Variants in HDAC1 observed in about 807,000 individuals in gnomAD.
HDAC1 encodes the protein histone deacetylase 1, also known as protein deacetylase HDAC1.
HDAC1 carries 18 observed loss-of-function variants against 65.5 expected under a neutral mutation model. That is an observed-to-expected ratio of 0.27 (90% CI 0.19 to 0.41). The LOEUF (loss-of-function observed/expected upper bound fraction) is 0.41, where lower values mean the gene tolerates loss of function less well. HDAC1 is among the 10% of genes least tolerant of loss of function. The pLI, the probability that HDAC1 is intolerant of heterozygous loss-of-function variation, is 1.00. For missense variants in HDAC1, 373 were observed against 625.2 expected, an observed-to-expected ratio of 0.60 and a Z score of 4.30; for synonymous variants, 211 against 227.9, an observed-to-expected ratio of 0.93 and a Z score of 0.67.
At chr1:32,294,760 C>T (rs1056432372) in intron 1 of HDAC1, among the ~76,000 whole-genome samples, 4 of 149,282 alleles carry the variant, frequency 2.7e-5, no homozygotes, top group African/African-American at 4.9e-5. Flanking sequence ...ATGATCCGCC[C>T]GCCTCGGCCT....
chr1:32,305,385 C>G (rs1640897607), intron 2 of HDAC1, among the ~76,000 whole-genome samples: 1 of 152,112 alleles, frequency 6.6e-6, no homozygotes, highest in African/African-American at 2.4e-5. Context: ...AGGACATATG[C>G]ACATATTCAC....
rs1570045780 is a variant in HDAC1, at chr1:32,333,431, AAAGT to A, written c.*390_*393del. 6.3e-6 allele frequency: 1 copy of A among 159,868 alleles called. No individual in the cohort carries two copies. The highest frequency in any genetic ancestry group is 2.4e-5 in the African/African-American group (1 of 41,548). 9.9% of individuals were successfully genotyped at this position (159,868 alleles called of 1,614,324 possible). ...GATCTCCTGTTTTTTTCAGGCTCCT[AAAGT>A]AACATCAGCCATTTTTAGATTGGTT... On this transcript the variant is annotated 3_prime_UTR_variant, in exon 14 of 14. Coordinates refer to ENST00000373548, the MANE Select transcript of HDAC1 (RefSeq NM_004964.3).
chr1:32,293,551 C>T (rs903210132), intron 1 of HDAC1, among the ~76,000 whole-genome samples: 11 of 151,084 alleles, frequency 7.3e-5, no homozygotes, highest in African/African-American at 2.7e-4. Flanking sequence ...GCAGATCACT[C>T]GGGGCCAGGA....
At chr1:32,304,950 G>A (rs562011347) in intron 2 of HDAC1, among the ~76,000 whole-genome samples, 1 of 151,880 alleles carries the variant, frequency 6.6e-6, no homozygotes, top group East Asian at 2.0e-4. Context: ...GGCCTCAAGA[G>A]ATCTTCTTAC....
At chr1:32,294,754 T>TCCG (rs1222973635) in intron 1 of HDAC1, among the ~76,000 whole-genome samples, 1 of 151,552 alleles carries the variant, frequency 6.6e-6, no homozygotes, top group Admixed American at 6.6e-5. Context: ...GACCTCATGA[T>TCCG]CCGCCCGCCT....
At chr1:32,294,126 C>G (rs1434404795) in intron 1 of HDAC1, among the ~76,000 whole-genome samples, 2 of 151,958 alleles carry the variant, frequency 1.3e-5, no homozygotes, top group African/African-American at 4.8e-5. Context: ...GCATGGATCC[C>G]AAGTTCCTGG....
At chr1:32,311,716 G>T (rs1640995135) in intron 2 of HDAC1, among the ~76,000 whole-genome samples, 3 of 152,152 alleles carry the variant, frequency 2.0e-5, no homozygotes, top group Admixed American at 2.0e-4. Context: ...TAATGAAAGA[G>T]AACTTTTGGA....
In HDAC1 at chr1:32,327,637, A is replaced by C. The variant is rs1271621248; in HGVS notation, c.596A>C (p.His199Pro). Residue 199 changes from histidine (H) to proline (P), a missense_variant, in exon 6 of 14, where the codon CAT (histidine) becomes CCT (proline). This residue lies in a region of HDAC1 where 62 missense variants were observed against 180.0 expected (regional missense o/e 0.34). Transcript: ENST00000373548. The surrounding 1 kb of genome is among the most constrained non-coding windows in gnomAD (Gnocchi z 6.0). ...TTDRVMTVSF[H>P]KYGEYFPGTG... ...GACCGGGTCATGACTGTGTCCTTTC[A>C]TAAGTATGGAGAGTACTTCCCAGGA... 6.2e-7 allele frequency: 1 copy of C among 1,614,086 alleles called. No homozygotes were observed. The highest frequency in any genetic ancestry group is 1.1e-5 in the South Asian group (1 of 91,082).
At chr1:32,295,331 G>A (rs1174214050) in intron 1 of HDAC1, among the ~76,000 whole-genome samples, 1 of 151,954 alleles carries the variant, frequency 6.6e-6, no homozygotes, top group African/African-American at 2.4e-5. Context: ...ATCCTGGGAG[G>A]TCGACTCTGC....
intron 2 of HDAC1, among the ~76,000 whole-genome samples, chr1:32,308,570 G>C (rs1280107066): frequency 6.6e-6 from 1 of 152,118 alleles, no homozygotes; most frequent in Non-Finnish European, 1.5e-5. Flanking sequence ...CCAGGCTGGA[G>C]TGCAGTGGCG....
chr1:32,318,253 T>A (rs1024686353), intron 3 of HDAC1, among the ~76,000 whole-genome samples: 1 of 152,190 alleles, frequency 6.6e-6, no homozygotes, highest in African/African-American at 2.4e-5. Context: ...CCGACCTGTT[T>A]TCCCTCTTTA....
chr1:32,333,021 AAGG>A lies in HDAC1; in HGVS notation c.1433_1435del (p.Glu478del), dbSNP rs768269931. 5.3e-5 allele frequency: 85 copies of A among 1,613,760 alleles called. No individual in the cohort carries two copies. The highest frequency in any genetic ancestry group is 1.8e-4 in the South Asian group (16 of 90,936). On this transcript the variant is annotated inframe_deletion, in exon 14 of 14. Transcript: ENST00000373548. ...CAGTCTCTGCTCTCTCCACAGGGTC[AAGG>A]AGGAGGTCAAGTTGGCCTGAATGGA...
intron 2 of HDAC1, among the ~76,000 whole-genome samples, chr1:32,304,162 T>A (rs1640883173): frequency 6.6e-6 from 1 of 152,196 alleles, no homozygotes; most frequent in Non-Finnish European, 1.5e-5. Context: ...AAAGTCTGTT[T>A]CTACAGCTTG....
At chr1:32,309,602 G>A (rs1361768978) in intron 2 of HDAC1, among the ~76,000 whole-genome samples, 8 of 150,264 alleles carry the variant, frequency 5.3e-5, no homozygotes, top group East Asian at 2.0e-4. Flanking sequence ...CAGGAAAATC[G>A]CTTGAACCTG....
intron 2 of HDAC1, among the ~76,000 whole-genome samples, chr1:32,304,623 G>A (rs1414163318): frequency 2.0e-5 from 3 of 151,750 alleles, no homozygotes; most frequent in Non-Finnish European, 4.4e-5. Context: ...AGACTAGAGT[G>A]CAGTGGTGCA....
chr1:32,321,101 G>A (rs1641136542), intron 3 of HDAC1, among the ~76,000 whole-genome samples: 2 of 146,934 alleles, frequency 1.4e-5, no homozygotes, highest in Non-Finnish European at 3.0e-5. Flanking sequence ...TGTGGTGGTG[G>A]GTGCCTGTAG....
intron 1 of HDAC1, among the ~76,000 whole-genome samples, chr1:32,301,787 G>A (rs1027741663): frequency 1.3e-5 from 2 of 152,142 alleles, no homozygotes; most frequent in Non-Finnish European, 2.9e-5. Context: ...GAAAGTCCTT[G>A]AATGCCAGTC....
Position 32,333,076 on chromosome 1 carries a change from GTCCCTCACGTTTCT to G in HDAC1, c.*37_*50del. ...CTCTCCAGCTCTGGCTTCCTGCTGA[GTCCCTCACGTTTCT>G]TCCCCAACCCCTCAGATTTTATATT... On this transcript the variant is annotated 3_prime_UTR_variant, in exon 14 of 14. Transcript: ENST00000373548. 6.3e-7 allele frequency: 1 copy of G among 1,594,580 alleles called. No homozygotes were observed. Among genetic ancestry groups the G allele is most frequent in the Non-Finnish European group, 8.6e-7 (1 of 1,163,020 alleles).
Position 32,292,092 on chromosome 1 carries a change from C to G in HDAC1, c.-78C>G, listed in dbSNP as rs114740358. 2.5e-5 allele frequency: 35 copies of G among 1,423,614 alleles called. No individual in the cohort carries two copies. The highest frequency in any genetic ancestry group is 2.9e-5 in the Non-Finnish European group (30 of 1,036,506). 88.2% of individuals were successfully genotyped at this position (1,423,614 alleles called of 1,614,324 possible). On this transcript the variant is annotated 5_prime_UTR_variant, in exon 1 of 14. Transcript: ENST00000373548. ...CGGGCCGGAGGCCCGCCCCCTCCCCCCTGGGTCGGACGCTGAGCGGAGCCG... is the reference window on the plus strand; with the variant it reads ...CGGGCCGGAGGCCCGCCCCCTCCCCGCTGGGTCGGACGCTGAGCGGAGCCG...
Sources: allele counts gnomAD v4.1 joint callset (sites outside exome capture counted in the v4.1 genomes callset), GRCh38; gene constraint gnomAD v4.1.1; regional missense constraint gnomAD v4.1.1; non-coding constraint Gnocchi (gnomAD v3.1); transcripts MANE v1.5; gene names NCBI Gene and HGNC (gene_info 2026-07-23, HGNC 2026-07-21).